Variants in SLC2A9 observed in about 807,000 individuals in gnomAD.
The protein encoded by SLC2A9 is solute carrier family 2 member 9.
Under a neutral mutation model 50.6 loss-of-function variants are expected in SLC2A9, and 39 were observed. That is an observed-to-expected ratio of 0.77 (90% CI 0.60 to 1.01). The LOEUF (loss-of-function observed/expected upper bound fraction) is 1.01. Ranked by LOEUF, SLC2A9 falls within the 50% of genes least tolerant of loss-of-function variation. The pLI is 0.00. For synonymous variants in SLC2A9, 324 were observed against 276.9 expected, an observed-to-expected ratio of 1.17 and a Z score of -1.69; for missense variants, 686 against 677.6, an observed-to-expected ratio of 1.01 and a Z score of -0.14.
intron 10 of SLC2A9, among the ~76,000 whole-genome samples, chr4:9,867,955 A>T (rs1212859473): frequency 1.3e-5 from 2 of 152,150 alleles, no homozygotes; most frequent in Non-Finnish European, 2.9e-5. Context: ...CACTGCCCAG[A>T]CACACTCAAT....
intron 8 of SLC2A9, among the ~76,000 whole-genome samples, chr4:9,891,466 A>C (rs1737417540): frequency 6.6e-6 from 1 of 152,220 alleles, no homozygotes; most frequent in South Asian, 2.1e-4. Flanking sequence ...CCAAAGCCCC[A>C]GGGCCTTTAT....
At position 9,801,134 on chromosome 4, in the gene SLC2A9, A is replaced by G. The variant is rs148664254; in HGVS notation, n.421-1893T>C. Among the ~76,000 whole-genome samples, 197 of 152,122 alleles carry G rather than the reference A, an allele frequency of 1.3e-3. 1 individual carries two copies. Among genetic ancestry groups the G allele is most frequent in the African/African-American group, 4.5e-3 (187 of 41,528 alleles). On this transcript the variant is annotated intron_variant and non_coding_transcript_variant, in intron 3 of 3. Coordinates refer to the SLC2A9 transcript ENST00000503280. ...TGGCTTTTGTTGTCAGGAGGAAAAA[A>G]AAAAAGACACATGGCTCAGTCCCCT...
intron 3 of SLC2A9, among the ~76,000 whole-genome samples, chr4:9,793,937 A>C (rs892612646): frequency 3.3e-5 from 5 of 152,164 alleles, no homozygotes; most frequent in Non-Finnish European, 7.3e-5. Flanking sequence ...GACAACAAGG[A>C]ATGAACATCA....
chr4:9,777,018 A>G (rs576583304), downstream of SLC2A9, among the ~76,000 whole-genome samples: 52 of 152,308 alleles, frequency 3.4e-4, no homozygotes, highest in Middle Eastern at 3.4e-3. Context: ...CTCATCCTGA[A>G]GCAGCTTTTC....
At chr4:9,970,947 C>T (rs1321784975) in intron 5 of SLC2A9, among the ~76,000 whole-genome samples, 3 of 152,110 alleles carry the variant, frequency 2.0e-5, no homozygotes, top group African/African-American at 4.8e-5. Context: ...ACCTCCCATT[C>T]TGTTCTGTTT....
At chr4:9,949,349 C>T (rs901059941) in intron 5 of SLC2A9, among the ~76,000 whole-genome samples, 3 of 152,154 alleles carry the variant, frequency 2.0e-5, no homozygotes, top group African/African-American at 4.8e-5. Context: ...TACAGAAATC[C>T]CTGAAACGAC....
intron 1 of SLC2A9, 65 bp downstream of exon 1, chr4:10,021,214 CG>C: frequency 6.5e-7 from 1 of 1,546,626 alleles, no homozygotes. Context: ...CACTGTCACA[CG>C]GCTGCCACCC....
chr4:9,818,477 T>G (rs1560148446), intron 3 of SLC2A9, among the ~76,000 whole-genome samples: 1 of 152,220 alleles, frequency 6.6e-6, no homozygotes, highest in Non-Finnish European at 1.5e-5. Context: ...TACTCAACTC[T>G]GATTACAACA....
intron 11 of SLC2A9, among the ~76,000 whole-genome samples, chr4:9,828,583 T>C (rs951759103): frequency 6.6e-6 from 1 of 152,196 alleles, no homozygotes; most frequent in African/African-American, 2.4e-5. Context: ...CTTTATGATT[T>C]CCCTCCAGTA....
At chr4:9,942,153 G>T in intron 5 of SLC2A9, 108 bp from the exon 6 acceptor site, 1 of 1,345,826 alleles carries the variant, frequency 7.4e-7, no homozygotes, top group South Asian at 1.2e-5. Context: ...TTCCTGCCCA[G>T]CATGATCCCC....
At chr4:9,953,104 C>G (rs1308787073) in intron 5 of SLC2A9, among the ~76,000 whole-genome samples, 1 of 152,224 alleles carries the variant, frequency 6.6e-6, no homozygotes, top group Non-Finnish European at 1.5e-5. Flanking sequence ...TTTAATTCTT[C>G]AGATCCTAAA....
intron 1 of SLC2A9, among the ~76,000 whole-genome samples, chr4:10,037,015 C>T (rs1325634149): frequency 6.6e-6 from 1 of 152,196 alleles, no homozygotes; most frequent in African/African-American, 2.4e-5. Context: ...GAAATACTGC[C>T]TTTGAGTCAT....
chr4:10,002,690 T>C (rs1352602687), intron 2 of SLC2A9, among the ~76,000 whole-genome samples: 1 of 152,012 alleles, frequency 6.6e-6, no homozygotes, highest in Non-Finnish European at 1.5e-5. Flanking sequence ...CCATCTCTAC[T>C]AAAAATAGAA....
intron 3 of SLC2A9, chr4:9,781,550 C>T (rs1460705933): frequency 6.5e-6 from 1 of 154,522 alleles, no homozygotes; most frequent in African/African-American, 2.4e-5. Context: ...GGCGCCAAGG[C>T]ACAGGTGGGG....
chr4:9,891,784 G>A (rs542154354), intron 8 of SLC2A9, among the ~76,000 whole-genome samples: 13 of 152,324 alleles, frequency 8.5e-5, no homozygotes, highest in African/African-American at 3.1e-4. Flanking sequence ...GAGATGTGGA[G>A]AGCTTGTCAG....
chr4:9,891,679 G>C (rs1462200293), intron 8 of SLC2A9, among the ~76,000 whole-genome samples: 1 of 152,230 alleles, frequency 6.6e-6, no homozygotes, highest in Non-Finnish European at 1.5e-5. Flanking sequence ...GTAGGTGAGA[G>C]AGGGCCAGAA....
At chr4:10,020,980 T>C (rs1578377693) in intron 1 of SLC2A9, among the ~76,000 whole-genome samples, 1 of 151,852 alleles carries the variant, frequency 6.6e-6, no homozygotes, top group Non-Finnish European at 1.5e-5. Flanking sequence ...CTGGGGAGGG[T>C]GAGAAGAGGG....
intron 3 of SLC2A9, among the ~76,000 whole-genome samples, chr4:9,987,388 G>C (rs1170627855): frequency 6.6e-6 from 1 of 152,214 alleles, no homozygotes; most frequent in Non-Finnish European, 1.5e-5. Context: ...CCAAAGTGCT[G>C]GGATTACAGG....
Position 9,910,206 on chromosome 4 carries a change from G to A in SLC2A9, c.1003-1861C>T, listed in dbSNP as rs1343574280. On this transcript the variant is annotated intron_variant, in intron 7 of 11. Coordinates refer to ENST00000264784, the MANE Select transcript of SLC2A9 (RefSeq NM_020041.3). Reference sequence around the variant, plus strand: ...ATTCGTGTAAAACAAGAACCTTCATGTTCTGCACCTGTTTCTCACTTGAGT... The same window carrying A: ...ATTCGTGTAAAACAAGAACCTTCATATTCTGCACCTGTTTCTCACTTGAGT... 2.0e-5 allele frequency among the ~76,000 whole-genome samples: 3 copies of A among 152,360 alleles called. No homozygotes were observed. In the East Asian group the frequency reaches 5.8e-4, roughly 29 times the overall value.
Sources: allele counts gnomAD v4.1 joint callset (sites outside exome capture counted in the v4.1 genomes callset), GRCh38; gene constraint gnomAD v4.1.1; transcripts MANE v1.5; gene names NCBI Gene and HGNC (gene_info 2026-07-23, HGNC 2026-07-21).